The following CNOT1 variants were observed in gnomAD, a reference collection of about 807,000 sequenced individuals.
The protein encoded by CNOT1 is CCR4-NOT transcription complex subunit 1.
Under a neutral mutation model 273.8 loss-of-function variants are expected in CNOT1, and 15 were observed. The ratio of observed to expected loss-of-function variants is 0.05; its 90% CI spans 0.04 to 0.08. The LOEUF is 0.08. Ranked by LOEUF, CNOT1 falls within the 10% of genes least tolerant of loss-of-function variation. The pLI is 1.00. For synonymous variants in CNOT1, 1,022 were observed against 1,005.5 expected, an observed-to-expected ratio of 1.02 and a Z score of -0.31; for missense variants, 1,644 against 2,912.2, an observed-to-expected ratio of 0.56 and a Z score of 10.02.
chr16:58,569,798 G>C (rs2041202711), intron 16 of CNOT1, among the ~76,000 whole-genome samples: 1 of 152,066 alleles, frequency 6.6e-6, no homozygotes, highest in South Asian at 2.1e-4. Flanking sequence ...AGTACAAGGA[G>C]AGAAGAAAAA....
intron 1 of CNOT1, among the ~76,000 whole-genome samples, chr16:58,626,157 C>G (rs1383727970): frequency 6.6e-6 from 1 of 152,128 alleles, no homozygotes; most frequent in Admixed American, 6.6e-5. Flanking sequence ...CCTGTAATCC[C>G]AGCACTTCGG....
rs762447908 is a variant in CNOT1 at position 58,576,603 on chromosome 16, T to G, written c.1585-21A>C. 5.6e-6 allele frequency: 9 copies of G among 1,613,788 alleles called. No homozygotes were observed. The South Asian group carries it at 8.8e-5, about 16-fold the overall frequency. The stretch of plus-strand genomic sequence containing the variant: ...TGTCCCTAAAAAGGGGAAGAAAGAT[T>G]AAATAGCAATACTGCTAAACACTGT... On this transcript the variant is annotated intron_variant, in intron 13 of 48. Transcript: ENST00000317147.
In CNOT1 at chr16:58,617,709, C is replaced by G. The variant is rs141296422; in HGVS notation, c.-175+12019G>C. On this transcript the variant is annotated intron_variant, in intron 1 of 48. Coordinates refer to ENST00000317147, the MANE Select transcript of CNOT1 (RefSeq NM_016284.5). Reference sequence around the variant, plus strand: ...TAGGATGGGCCCTCAATGTAAACACCTCAAAATTAACTTTTGGCTGGTGCA... The same window carrying G: ...TAGGATGGGCCCTCAATGTAAACACGTCAAAATTAACTTTTGGCTGGTGCA... Among the ~76,000 whole-genome samples, 223 of 152,242 alleles carry G rather than the reference C, an allele frequency of 1.5e-3. 1 individual carries two copies. In the Middle Eastern group the frequency reaches 0.027, roughly 19 times the overall value.
intron 45 of CNOT1, 33 bp downstream of exon 45, chr16:58,525,956 G>T: frequency 6.3e-7 from 1 of 1,598,714 alleles, no homozygotes; most frequent in Non-Finnish European, 8.6e-7. Context: ...TTATATGGAA[G>T]ACGTAGATGA....
At chr16:58,598,099 A>T (rs2042325156) in intron 2 of CNOT1, among the ~76,000 whole-genome samples, 2 of 151,632 alleles carry the variant, frequency 1.3e-5, no homozygotes, top group South Asian at 4.2e-4. Context: ...CCCCATCTCT[A>T]CTAAAAATAA....
At chr16:58,552,995 G>A (rs983110251) in intron 22 of CNOT1, among the ~76,000 whole-genome samples, 10 of 152,102 alleles carry the variant, frequency 6.6e-5, no homozygotes, top group East Asian at 1.9e-4. Flanking sequence ...CATCTCAGGC[G>A]GGCGCGGTGG....
At chr16:58,571,214 T>C (rs1597481853) in intron 16 of CNOT1, among the ~76,000 whole-genome samples, 2 of 152,140 alleles carry the variant, frequency 1.3e-5, no homozygotes, top group Non-Finnish European at 2.9e-5. Context: ...AAAAAACTGT[T>C]AATAGAGACA....
intron 43 of CNOT1, 87 bp from the exon 44 acceptor site, chr16:58,528,735 T>A: frequency 1.2e-6 from 1 of 819,602 alleles, no homozygotes; most frequent in Non-Finnish European, 1.9e-6. Flanking sequence ...CCCACCCCCC[T>A]CAAAAGAATG....
chr16:58,555,125 T>C, intron 21 of CNOT1, 126 bp downstream of exon 21: 14 of 1,371,882 alleles, frequency 1.0e-5, no homozygotes, highest in South Asian at 7.1e-5. Flanking sequence ...GGAGAATCAC[T>C]TGAGCCCGCA....
Position 58,561,675 on chromosome 16 carries a change from C to T in CNOT1, c.1980-1313G>A, listed in dbSNP as rs1285926469. ...TACAAAATCTAAAACTTTTTGAATG[C>T]CAATGTTTAAAGGAAATGCTCATTG... is the stretch of plus-strand genomic sequence containing the variant. On this transcript the variant is annotated intron_variant, in intron 16 of 48. Coordinates refer to ENST00000317147, the MANE Select transcript of CNOT1 (RefSeq NM_016284.5). Among the ~76,000 whole-genome samples the T allele has an allele frequency of 2.0e-5, 3 of 151,974 alleles. 1 individual carries two copies. The highest frequency in any genetic ancestry group is 1.9e-4 in the East Asian group (1 of 5,182).
At chr16:58,535,336 A>G (rs896586386) in intron 39 of CNOT1, among the ~76,000 whole-genome samples, 2 of 152,242 alleles carry the variant, frequency 1.3e-5, no homozygotes, top group Non-Finnish European at 2.9e-5. Context: ...TTTTGTCTAC[A>G]CTGGTATCTG....
intron 38 of CNOT1, among the ~76,000 whole-genome samples, 162 bp from the exon 39 acceptor site, chr16:58,537,382 G>A (rs2039959501): frequency 2.0e-5 from 3 of 152,058 alleles, no homozygotes; most frequent in African/African-American, 7.2e-5. Flanking sequence ...TCTCTTATCC[G>A]CTTGCTCATG....
At chr16:58,529,640 C>A (rs1025020031) in intron 43 of CNOT1, among the ~76,000 whole-genome samples, 8 of 151,794 alleles carry the variant, frequency 5.3e-5, no homozygotes, top group Non-Finnish European at 1.2e-4. Flanking sequence ...GAGTTTGAGA[C>A]GAGCGTAGCC....
intron 34 of CNOT1, among the ~76,000 whole-genome samples, chr16:58,540,634 GT>G (rs1195821358): frequency 1.3e-5 from 2 of 152,204 alleles, no homozygotes; most frequent in African/African-American, 4.8e-5. Context: ...GGGATACATG[GT>G]GAAACTCGAG....
chr16:58,522,219 G>A (rs569974756), intron 47 of CNOT1, among the ~76,000 whole-genome samples: 24 of 114,036 alleles, frequency 2.1e-4, no homozygotes, highest in East Asian at 1.2e-3. Flanking sequence ...CTCAGGAGGC[G>A]ACAAAGCGAG....
chr16:58,604,150 A>G (rs2042579450), intron 1 of CNOT1, among the ~76,000 whole-genome samples: 1 of 152,208 alleles, frequency 6.6e-6, no homozygotes, highest in South Asian at 2.1e-4. Flanking sequence ...AGTAGTGCAT[A>G]CTACACACAG....
chr16:58,537,314 C>A (rs2039955534), intron 38 of CNOT1, 94 bp from the exon 39 acceptor site: 2 of 1,486,230 alleles, frequency 1.3e-6, no homozygotes, highest in Non-Finnish European at 1.8e-6. Context: ...ACAGCAACCA[C>A]CAGAGTGGTT....
chr16:58,571,852 C>A (rs2041285922), intron 16 of CNOT1, among the ~76,000 whole-genome samples: 1 of 152,076 alleles, frequency 6.6e-6, no homozygotes, highest in Non-Finnish European at 1.5e-5. Context: ...ATGGTGAGCA[C>A]CTGTAATCCC....
At chr16:58,568,893 G>C (rs919568236) in intron 16 of CNOT1, among the ~76,000 whole-genome samples, 2 of 152,078 alleles carry the variant, frequency 1.3e-5, no homozygotes, top group African/African-American at 4.8e-5. Flanking sequence ...AACAAAAAAA[G>C]GGCAATAACG....
Sources: allele counts gnomAD v4.1 joint callset (sites outside exome capture counted in the v4.1 genomes callset), GRCh38; gene constraint gnomAD v4.1.1; transcripts MANE v1.5; gene names NCBI Gene and HGNC (gene_info 2026-07-23, HGNC 2026-07-21).